The following ZNF730 variants were observed in gnomAD, a reference collection of about 807,000 sequenced individuals.
ZNF730 encodes the protein putative zinc finger protein 730.
Under a neutral mutation model 12.6 loss-of-function variants are expected in ZNF730, and 12 were observed. The observed-to-expected ratio is 0.95, with a 90% CI of 0.61 to 1.54. The LOEUF (loss-of-function observed/expected upper bound fraction) is 1.54, where lower values mean the gene tolerates loss of function less well. Ranked by LOEUF, ZNF730 falls within the 40% of genes most tolerant of loss-of-function variation. ZNF730 has a pLI of 0.00. For synonymous variants in ZNF730, 194 were observed against 195.8 expected (o/e 0.99, Z 0.08); for missense variants, 643 against 583.5 (o/e 1.10, Z -1.05).
chr19:23,118,098 A>G (rs1455344046), intron 1 of ZNF730, among the ~76,000 whole-genome samples: 1 of 152,060 alleles, frequency 6.6e-6, no homozygotes, highest in Non-Finnish European at 1.5e-5. Context: ...GATTATCCCA[A>G]ATGCCAACTT....
At chr19:23,129,258 T>C (rs1426720065) in intron 1 of ZNF730, among the ~76,000 whole-genome samples, 1 of 152,140 alleles carries the variant, frequency 6.6e-6, no homozygotes, top group Non-Finnish European at 1.5e-5. Context: ...GTCCTCCAGA[T>C]TCCAGAATGG....
intron 1 of ZNF730, among the ~76,000 whole-genome samples, chr19:23,093,498 G>A (rs1486753397): frequency 6.6e-6 from 1 of 152,204 alleles, no homozygotes; most frequent in Non-Finnish European, 1.5e-5. Context: ...GGGTACCCCT[G>A]CTTGGCATCC....
At chr19:23,091,038 G>T (rs537354839) in intron 1 of ZNF730, among the ~76,000 whole-genome samples, 2 of 152,042 alleles carry the variant, frequency 1.3e-5, no homozygotes, top group South Asian at 2.1e-4. Context: ...TGGTTTTGTG[G>T]CCCGGGGCCC....
In ZNF730 at chr19:23,146,119, A is replaced by C. The variant is rs1390480058; in HGVS notation, c.1075A>C (p.Lys359Gln). Residue 359 changes from lysine to glutamine, a missense_variant, in exon 4 of 4, where the codon AAG becomes CAG. Lys to Gln is a moderately conservative substitution (Grantham distance 53, BLOSUM62 1). Coordinates refer to ENST00000597761, the MANE Select transcript of ZNF730 (RefSeq NM_001277403.2). ...CCGATCCTCAACCCTTAATAGACAT[A>C]AGATAACTCATACTGGAGGGAAACC... Reference protein sequence around the residue: ...FNRSSTLNRHKITHTGGKPYK... With the variant: ...FNRSSTLNRHQITHTGGKPYK... The C allele has an allele frequency of 4.3e-6, 7 of 1,609,870 alleles. No homozygotes were observed. The highest frequency in any genetic ancestry group is 1.3e-5 in the African/African-American group (1 of 74,848).
chr19:23,112,688 C>T (rs1179204859), upstream of ZNF730, among the ~76,000 whole-genome samples: 1 of 151,782 alleles, frequency 6.6e-6, no homozygotes, highest in African/African-American at 2.4e-5. Context: ...GCGCCACTAC[C>T]CTCCAGGCTG....
At chr19:23,127,673 C>G (rs1970687455) in intron 1 of ZNF730, 1 of 1,231,966 alleles carries the variant, frequency 8.1e-7, no homozygotes, top group African/African-American at 1.5e-5. Context: ...ATTCCGCTCA[C>G]TAAGAGCATC....
At chr19:23,077,810 A>G (rs1192976604) in intron 1 of ZNF730, among the ~76,000 whole-genome samples, 2 of 152,096 alleles carry the variant, frequency 1.3e-5, no homozygotes, top group African/African-American at 4.8e-5. Flanking sequence ...AAGAGACTCC[A>G]TTTTGCTCTG....
chr19:23,109,794 G>A (rs531615467), intron 1 of ZNF730, among the ~76,000 whole-genome samples: 13 of 152,096 alleles, frequency 8.5e-5, no homozygotes, highest in South Asian at 8.3e-4. Context: ...TGATCCACCC[G>A]CCTTGGCCTC....
intron 1 of ZNF730, chr19:23,123,557 G>C (rs543970560): frequency 6.8e-6 from 1 of 146,926 alleles, no homozygotes; most frequent in Non-Finnish European, 1.5e-5. Context: ...GCAACACAGC[G>C]AGACTCCAAG....
At chr19:23,107,090 A>G (rs2145560069) in intron 1 of ZNF730, among the ~76,000 whole-genome samples, 1 of 144,038 alleles carries the variant, frequency 6.9e-6, no homozygotes, top group East Asian at 2.1e-4. Flanking sequence ...TTTTTTTGAG[A>G]CAGTCATTGT....
intron 1 of ZNF730, among the ~76,000 whole-genome samples, chr19:23,130,897 C>A (rs1031541090): frequency 2.0e-5 from 3 of 152,290 alleles, no homozygotes; most frequent in African/African-American, 7.2e-5. Flanking sequence ...TTATTTAAGT[C>A]TGGCCCTACC....
chr19:23,126,915 G>C, intron 1 of ZNF730: 1 of 523,820 alleles, frequency 1.9e-6, no homozygotes, highest in Non-Finnish European at 3.8e-6. Context: ...ATATTTTTAA[G>C]GGTCAGAAAG....
chr19:23,123,542 C>T (rs1392768766), intron 1 of ZNF730: 2 of 151,038 alleles, frequency 1.3e-5, no homozygotes, highest in East Asian at 3.9e-4. Flanking sequence ...TGCATTCCAG[C>T]CTAGGCAACA....
At chr19:23,126,822 G>T in intron 1 of ZNF730, 1 of 539,856 alleles carries the variant, frequency 1.9e-6, no homozygotes, top group Non-Finnish European at 3.7e-6. Flanking sequence ...TTTATCCAGT[G>T]CTATATTAGC....
chr19:23,129,897 G>A (rs1161519008), intron 1 of ZNF730, among the ~76,000 whole-genome samples: 4 of 151,602 alleles, frequency 2.6e-5, no homozygotes, highest in South Asian at 2.1e-4. Flanking sequence ...AGGAGGCTGC[G>A]GCAGGAGAAT....
intron 1 of ZNF730, among the ~76,000 whole-genome samples, chr19:23,092,950 GAGTT>G (rs1970181405): frequency 6.6e-6 from 1 of 152,114 alleles, no homozygotes; most frequent in Non-Finnish European, 1.5e-5. Context: ...CTCATAGAAT[GAGTT>G]AGGGAGAAGT....
intron 1 of ZNF730, among the ~76,000 whole-genome samples, chr19:23,107,475 A>AAAAAAAAAAAAAAAAAAAAAAAAAAAAAC (rs752480467): frequency 1.7e-5 from 2 of 118,934 alleles, no homozygotes; most frequent in Non-Finnish European, 3.7e-5. Context: ...AAAAAAAAAA[A>AAAAAAAAAAAAAAAAAAAAAAAAAAAAAC]CCACCACAGC....
chr19:23,086,469 AGTTT>A (rs1970066227), intron 1 of ZNF730, among the ~76,000 whole-genome samples: 1 of 152,066 alleles, frequency 6.6e-6, no homozygotes, highest in Non-Finnish European at 1.5e-5. Context: ...ATCTTGAGTT[AGTTT>A]TTGTATAGGG....
intron 3 of ZNF730, 25 bp downstream of exon 3, chr19:23,136,068 C>A: frequency 6.7e-7 from 1 of 1,494,498 alleles, no homozygotes. Context: ...ATACAATACA[C>A]AAAACTGATA....
Sources: allele counts gnomAD v4.1 joint callset (sites outside exome capture counted in the v4.1 genomes callset), GRCh38; gene constraint gnomAD v4.1.1; transcripts MANE v1.5; gene names NCBI Gene and HGNC (gene_info 2026-07-23, HGNC 2026-07-21).